Variants in ARK2C observed in about 807,000 individuals in gnomAD.
The protein encoded by ARK2C is arkadia (RNF111) C-terminal like ring finger ubiquitin ligase 2C, also known as E3 ubiquitin-protein ligase ARK2C.
chr18:46,415,320 A>G, the ARK2C span, among the ~76,000 whole-genome samples: 3 of 152,264 alleles, frequency 2.0e-5, no homozygotes. Flanking sequence ...GGAGATGGAG[A>G]CCACCCTGGC....
the ARK2C span, among the ~76,000 whole-genome samples, chr18:46,344,266 G>A: frequency 6.6e-6 from 1 of 152,194 alleles, no homozygotes; most frequent in Non-Finnish European, 1.5e-5. Flanking sequence ...CCTGTCTCAA[G>A]GAAGGGCAGG....
chr18:46,407,980 C>A, the ARK2C span, among the ~76,000 whole-genome samples: 3 of 152,130 alleles, frequency 2.0e-5, no homozygotes, highest in Non-Finnish European at 4.4e-5. Context: ...GGGGAGGTGG[C>A]ATAGCAGCTG....
chr18:46,350,505 GA>G, the ARK2C span, among the ~76,000 whole-genome samples: 1 of 152,200 alleles, frequency 6.6e-6, no homozygotes, highest in Non-Finnish European at 1.5e-5. Context: ...GGGGTGTCAA[GA>G]GGGGCAAGCA....
chr18:46,420,251 T>A, the ARK2C span, among the ~76,000 whole-genome samples: 13 of 152,084 alleles, frequency 8.5e-5, no homozygotes, highest in African/African-American at 3.1e-4. Context: ...TTCCCCATCA[T>A]CACACATCAG....
At chr18:46,415,937 C>G in the ARK2C span, among the ~76,000 whole-genome samples, 1 of 152,164 alleles carries the variant, frequency 6.6e-6, no homozygotes, top group African/African-American at 2.4e-5. Context: ...GAAAACAGTG[C>G]CTGAAGCCTT....
At chr18:46,365,528 A>T in the ARK2C span, among the ~76,000 whole-genome samples, 4 of 152,094 alleles carry the variant, frequency 2.6e-5, no homozygotes, top group Non-Finnish European at 5.9e-5. Context: ...TTTTGAGACC[A>T]AGGCTTGCTC....
At chr18:46,357,304 C>T in the ARK2C span, among the ~76,000 whole-genome samples, 70,714 of 152,044 alleles carry the variant, frequency 0.47, 17,092 homozygotes, top group East Asian at 0.56. Context: ...GCTCTAGCCA[C>T]GGCCTAGACT....
At chr18:46,380,064 G>C in the ARK2C span, among the ~76,000 whole-genome samples, 2,031 of 152,328 alleles carry the variant, frequency 0.013, 47 homozygotes, top group African/African-American at 0.047. Context: ...CATGAGCTCT[G>C]CTGTCGGGTT....
At chr18:46,338,301 A>G in the ARK2C span, among the ~76,000 whole-genome samples, 1 of 152,180 alleles carries the variant, frequency 6.6e-6, no homozygotes, top group Non-Finnish European at 1.5e-5. Context: ...GAGATCCTGG[A>G]TAAGGAAGAT....
the ARK2C span, chr18:46,458,144 C>G: frequency 6.6e-6 from 1 of 152,558 alleles, no homozygotes; most frequent in African/African-American, 2.4e-5. Context: ...GTTCTATGCT[C>G]TCTTCTGAGA....
chr18:46,413,971 G>T, the ARK2C span, among the ~76,000 whole-genome samples: 1 of 152,160 alleles, frequency 6.6e-6, no homozygotes, highest in African/African-American at 2.4e-5. Flanking sequence ...TCAAAGTCAT[G>T]CAGCATGCTC....
chr18:46,415,136 C>G, the ARK2C span, among the ~76,000 whole-genome samples: 8,978 of 152,260 alleles, frequency 0.059, 318 homozygotes, highest in Non-Finnish European at 0.086. Flanking sequence ...GTCCCCTCCC[C>G]AGGCCTACAT....
the ARK2C span, among the ~76,000 whole-genome samples, chr18:46,373,154 G>A: frequency 6.6e-6 from 1 of 152,246 alleles, no homozygotes; most frequent in Non-Finnish European, 1.5e-5. Context: ...GTAAGCAGAA[G>A]GGCCTCCTGC....
chr18:46,346,548 A>T, the ARK2C span, among the ~76,000 whole-genome samples: 8 of 152,248 alleles, frequency 5.3e-5, no homozygotes, highest in Non-Finnish European at 1.0e-4. Flanking sequence ...TTTTGCCATC[A>T]GGCAGTCTTT....
At chr18:46,385,123 G>A in the ARK2C span, among the ~76,000 whole-genome samples, 1 of 152,248 alleles carries the variant, frequency 6.6e-6, no homozygotes, top group African/African-American at 2.4e-5. Flanking sequence ...TATTCTCAGA[G>A]ATCCTGCTTA....
At chr18:46,443,498 A>G in the ARK2C span, among the ~76,000 whole-genome samples, 1 of 152,198 alleles carries the variant, frequency 6.6e-6, no homozygotes, top group African/African-American at 2.4e-5. Flanking sequence ...ATGTATGTAC[A>G]ATTACCAAAA....
At chr18:46,432,135 A>G in the ARK2C span, among the ~76,000 whole-genome samples, 1 of 152,140 alleles carries the variant, frequency 6.6e-6, no homozygotes, top group African/African-American at 2.4e-5. Context: ...ATCTTTCTGA[A>G]ATGCCGGGTC....
the ARK2C span, among the ~76,000 whole-genome samples, chr18:46,406,034 C>G: frequency 1.3e-5 from 2 of 151,986 alleles, no homozygotes; most frequent in Admixed American, 6.5e-5. Flanking sequence ...GTGTGTACAC[C>G]CTTACACACC....
chr18:46,390,847 T>TG, the ARK2C span, among the ~76,000 whole-genome samples: 2 of 152,282 alleles, frequency 1.3e-5, no homozygotes, highest in African/African-American at 2.4e-5. Context: ...TAATGCCTCA[T>TG]GGGGTGTGAG....
Sources: gnomAD v4.1 joint callset for allele counts (sites outside exome capture counted in the v4.1 genomes callset) on GRCh38, gnomAD v4.1.1 for gene constraint, MANE v1.5 for transcripts, NCBI Gene and HGNC (gene_info 2026-07-23, HGNC 2026-07-21) for gene names.